Variants in SCN2A observed in about 807,000 individuals in gnomAD.
The protein encoded by SCN2A is sodium channel protein type 2 subunit alpha.
SCN2A carries 20 observed loss-of-function variants against 188.7 expected under a neutral mutation model. That is an observed-to-expected ratio of 0.11 (90% CI 0.07 to 0.15). SCN2A has a LOEUF of 0.15. SCN2A is among the 10% of genes least tolerant of loss of function. The pLI is 1.00. For missense variants in SCN2A, 1,278 were observed against 2,445.0 expected (o/e 0.52, Z 10.07); for synonymous variants, 804 against 833.1 (o/e 0.97, Z 0.60).
At chr2:165,245,221 C>G (rs965756017) in intron 1 of SCN2A, 1 of 152,128 alleles carries the variant, frequency 6.6e-6, no homozygotes, top group Admixed American at 6.5e-5. Flanking sequence ...ATAATCTCCA[C>G]GTGTTGTGGG....
At position 165,263,886 on chromosome 2, in the gene SCN2A, A is replaced by ATTTTTT. The variant is rs35091347; in HGVS notation, c.-52+24253_-52+24258dup. Among the ~76,000 whole-genome samples the ATTTTTT allele has an allele frequency of 1.2e-4, 18 of 146,194 alleles. No homozygotes were observed. The East Asian group carries it at 3.4e-3, about 28-fold the overall frequency. The stretch of plus-strand genomic sequence containing the variant: ...CGTTAAGTATATTCCTAAGTATTCT[A>ATTTTTT]TTTTTTTTTTTTGCAGCTATTGTAA... On this transcript the variant is annotated intron_variant, in intron 1 of 26. Coordinates refer to ENST00000375437, the MANE Select transcript of SCN2A (RefSeq NM_001040142.2).
chr2:165,336,457 T>C (rs529967622), intron 14 of SCN2A, among the ~76,000 whole-genome samples: 2 of 152,054 alleles, frequency 1.3e-5, no homozygotes, highest in Admixed American at 6.6e-5. Flanking sequence ...GAATATATTA[T>C]ATTAAGTGAA....
intron 22 of SCN2A, among the ~76,000 whole-genome samples, chr2:165,375,190 A>G (rs1236332473): frequency 6.6e-6 from 1 of 152,012 alleles, no homozygotes; most frequent in Non-Finnish European, 1.5e-5. Flanking sequence ...TTCTCAAAAA[A>G]CTAAAAATAG....
At chr2:165,353,928 C>T (rs960872613) in intron 16 of SCN2A, among the ~76,000 whole-genome samples, 15 of 151,880 alleles carry the variant, frequency 9.9e-5, no homozygotes, top group Non-Finnish European at 1.5e-4. Context: ...TCTTTTGGAA[C>T]TGAGCTTAAT....
intron 25 of SCN2A, among the ~76,000 whole-genome samples, chr2:165,382,304 C>G (rs1240949360): frequency 6.6e-6 from 1 of 151,998 alleles, no homozygotes; most frequent in Non-Finnish European, 1.5e-5. Context: ...ATATAGTTAA[C>G]AGAACAGCCT....
intron 13 of SCN2A, 89 bp downstream of exon 13, chr2:165,327,073 T>C: frequency 6.9e-7 from 1 of 1,454,106 alleles, no homozygotes; most frequent in Non-Finnish European, 9.6e-7. Context: ...ACTTCCTGAC[T>C]TGATATTGTA....
At chr2:165,305,460 C>G (rs180684200) in intron 3 of SCN2A, among the ~76,000 whole-genome samples, 6 of 152,224 alleles carry the variant, frequency 3.9e-5, no homozygotes, top group Admixed American at 6.5e-5. Flanking sequence ...ATGGACTACA[C>G]TAGGATGAGG....
At chr2:165,384,628 C>T (rs1329825130) in intron 25 of SCN2A, among the ~76,000 whole-genome samples, 3 of 152,088 alleles carry the variant, frequency 2.0e-5, no homozygotes, top group Non-Finnish European at 4.4e-5. Flanking sequence ...AATGATACTG[C>T]TCCTGCTTTT....
intron 19 of SCN2A, among the ~76,000 whole-genome samples, chr2:165,368,044 T>G (rs1700821662): frequency 6.6e-6 from 1 of 152,174 alleles, no homozygotes; most frequent in Admixed American, 6.5e-5. Context: ...CAAGTTCATG[T>G]CCGGCGTCCA....
chr2:165,263,843 G>A (rs1005870810), intron 1 of SCN2A, among the ~76,000 whole-genome samples: 1 of 151,546 alleles, frequency 6.6e-6, no homozygotes, highest in South Asian at 2.1e-4. Context: ...TTTCCTTGTA[G>A]AAGTCTTTAA....
At chr2:165,306,272 G>A (rs1222105487) in intron 3 of SCN2A, among the ~76,000 whole-genome samples, 2 of 152,120 alleles carry the variant, frequency 1.3e-5, no homozygotes, top group Admixed American at 6.5e-5. Flanking sequence ...GGGAGATGGA[G>A]CCTAGTAGGA....
intron 1 of SCN2A, among the ~76,000 whole-genome samples, chr2:165,240,431 G>T (rs1693563630): frequency 6.6e-6 from 1 of 152,120 alleles, no homozygotes; most frequent in Non-Finnish European, 1.5e-5. Flanking sequence ...GACTCAGGAG[G>T]TGGAAGTTGC....
intron 3 of SCN2A, among the ~76,000 whole-genome samples, chr2:165,298,381 T>C (rs1040144000): frequency 6.6e-6 from 1 of 152,222 alleles, no homozygotes; most frequent in African/African-American, 2.4e-5. Context: ...ATGTAAAGCA[T>C]GTCCCTAGAC....
chr2:165,247,534 T>C (rs895941609), intron 1 of SCN2A, among the ~76,000 whole-genome samples: 15 of 152,166 alleles, frequency 9.9e-5, no homozygotes, highest in African/African-American at 3.6e-4. Flanking sequence ...TGTCTCCCCC[T>C]TGATACACTG....
chr2:165,315,325 A>G, intron 10 of SCN2A, 146 bp from the exon 11 acceptor site: 2 of 1,317,670 alleles, frequency 1.5e-6, no homozygotes, highest in Non-Finnish European at 2.1e-6. Context: ...TGGTCTAATA[A>G]CAATGTACTG....
At chr2:165,314,950 T>C (rs1697652269) in intron 10 of SCN2A, among the ~76,000 whole-genome samples, 1 of 152,192 alleles carries the variant, frequency 6.6e-6, no homozygotes, top group Non-Finnish European at 1.5e-5. Context: ...ATAAACACTC[T>C]GTATTATGTC....
In SCN2A at chr2:165,264,243, A is replaced by G. The variant is rs374591542; in HGVS notation, c.-52+24603A>G. Among the ~76,000 whole-genome samples the G allele has an allele frequency of 2.6e-5, 4 of 152,188 alleles. No individual in the cohort carries two copies. The East Asian group carries it at 5.8e-4, about 22-fold the overall frequency. ...AACCAAATCCCACAGCATATCAAAA[A>G]GATAATCCACTATGATCAAGTGGGT... is the stretch of plus-strand genomic sequence containing the variant. On this transcript the variant is annotated intron_variant, in intron 1 of 26. Coordinates refer to ENST00000375437, the MANE Select transcript of SCN2A (RefSeq NM_001040142.2).
In SCN2A at chr2:165,354,647, G is replaced by T; in HGVS notation, c.3375G>T (p.Glu1125Asp). 6.2e-7 allele frequency: 1 copy of T among 1,613,812 alleles called. No homozygotes were observed. The highest frequency in any genetic ancestry group is 8.5e-7 in the Non-Finnish European group (1 of 1,179,954). Residue 1125 changes from glutamate (E) to aspartate (D), a missense_variant, in exon 17 of 27, where the codon GAG (glutamate) becomes GAT (aspartate). Transcript: ENST00000375437. Reference protein sequence around the residue: ...ENLNTEEFSSESDMEESKEKL... With the variant: ...ENLNTEEFSSDSDMEESKEKL... ...TAAATACTGAAGAATTCAGCAGCGA[G>T]TCAGATATGGAGGAAAGCAAAGAGG...
At chr2:165,309,482 C>CA (rs1240980329) in intron 6 of SCN2A, 39 bp downstream of exon 6, 9 of 1,609,686 alleles carry the variant, frequency 5.6e-6, no homozygotes, top group Non-Finnish European at 6.8e-6. Context: ...ACTTTAGCTA[C>CA]AGTGGTGCTA....
Sources: gnomAD v4.1 joint callset for allele counts (sites outside exome capture counted in the v4.1 genomes callset) on GRCh38, gnomAD v4.1.1 for gene constraint, MANE v1.5 for transcripts, NCBI Gene and HGNC (gene_info 2026-07-23, HGNC 2026-07-21) for gene names.